Variants in PIWIL2 observed in about 807,000 individuals in gnomAD.
The protein encoded by PIWIL2 is piwi-like protein 2.
Under a neutral mutation model 116.5 loss-of-function variants are expected in PIWIL2, and 81 were observed. That is an observed-to-expected ratio of 0.70 (90% confidence interval 0.58 to 0.84). The LOEUF is 0.84. PIWIL2 is among the 40% of genes least tolerant of loss of function. The probability of loss-of-function intolerance (pLI) is 0.00; values close to 1 mark genes in which losing one functional copy is unlikely to be tolerated. For missense variants in PIWIL2, 1,272 were observed against 1,212.3 expected, an observed-to-expected ratio of 1.05 and a Z score of -0.73; for synonymous variants, 489 against 429.5, an observed-to-expected ratio of 1.14 and a Z score of -1.71.
rs763422266 is a variant in PIWIL2 at position 22,304,864 on chromosome 8, G to C, written c.1451G>C (p.Gly484Ala). 6.3e-7 allele frequency: 1 copy of C among 1,595,788 alleles called. No homozygotes were observed. Among genetic ancestry groups the C allele is most frequent in the Non-Finnish European group, 8.6e-7 (1 of 1,163,390 alleles). Reference protein sequence around the residue: ...HRPSERQDNHGMLLKGEILLL... With the variant: ...HRPSERQDNHAMLLKGEILLL... ...CCCAGTGAGAGACAGGATAATCATG[G>C]GATGGTGAGTAGGGCTGTCAGGCTT... The change falls in exon 12 of 23, where the codon GGG becomes GCG. Residue 484 changes from glycine to alanine, a missense_variant. Transcript: ENST00000356766.
At chr8:22,325,435 A>C (rs1193991600) in intron 20 of PIWIL2, among the ~76,000 whole-genome samples, 3 of 151,608 alleles carry the variant, frequency 2.0e-5, no homozygotes, top group Non-Finnish European at 4.4e-5. Context: ...GGTTTGAAGA[A>C]ATGGGACTCC....
Position 22,294,899 on chromosome 8 carries a change from GGAAAA to G in PIWIL2, c.1181+4554_1181+4558del, listed in dbSNP as rs1245851217. Among the ~76,000 whole-genome samples, 19 of 79,418 alleles carry G rather than the reference GGAAAA, an allele frequency of 2.4e-4. 1 individual carries two copies. Among genetic ancestry groups the G allele is most frequent in the East Asian group, 1.4e-3 (4 of 2,818 alleles). The allele number at this position is 79,418 out of a possible 152,430, so 52.1% of individuals were successfully genotyped here. A position where few individuals can be genotyped will look rare whatever the true frequency, so the allele number is the denominator to read the frequency against. ...AACATGGTGAAATCCCATCTTTACTGGAAAAAAAAAAAAAAAAAAAAAAAAAAAAA... is the reference window on the plus strand; with the variant it reads ...AACATGGTGAAATCCCATCTTTACTGAAAAAAAAAAAAAAAAAAAAAAAAA... On this transcript the variant is annotated intron_variant, in intron 10 of 22. Transcript: ENST00000356766.
chr8:22,351,102 G>T (rs1832342478), intron 20 of PIWIL2, among the ~76,000 whole-genome samples: 1 of 151,734 alleles, frequency 6.6e-6, no homozygotes, highest in African/African-American at 2.4e-5. Context: ...AGTAAGTCAA[G>T]ATTGCATCAC....
chr8:22,290,005 T>C lies in PIWIL2; in HGVS notation c.1067+78T>C, dbSNP rs528197617. The C allele has an allele frequency of 5.3e-4, 496 of 940,852 alleles. 10 individuals are homozygous for C. In the South Asian group the frequency reaches 6.5e-3, roughly 12 times the overall value. The allele number at this position is 940,852 out of a possible 1,614,324, so 58.3% of individuals were successfully genotyped here. A position where few individuals can be genotyped will look rare whatever the true frequency, so the allele number is the denominator to read the frequency against. On this transcript the variant is annotated intron_variant, in intron 9 of 22. Transcript: ENST00000356766. Reference sequence around the variant, plus strand: ...CCATTACAACCATTGTATTTAGTACTATAATGTCAGCAGTAGTTTATGGTA... The same window carrying C: ...CCATTACAACCATTGTATTTAGTACCATAATGTCAGCAGTAGTTTATGGTA...
Position 22,290,274 on chromosome 8 carries a change from C to CT in PIWIL2, c.1109_1110insT (p.Asp371ArgfsTer9). 6.2e-7 allele frequency: 1 copy of CT among 1,612,132 alleles called. No homozygotes were observed. On this transcript the variant is annotated frameshift_variant, in exon 10 of 23. Coordinates refer to ENST00000356766, the MANE Select transcript of PIWIL2 (RefSeq NM_018068.5). LOFTEE classifies it high-confidence loss of function. ...GGCTATGCAGCTAGCATCCGAAGGA[C>CT]AGATGGAGGGCTCTTCCTGCTAGCT... is the stretch of plus-strand genomic sequence containing the variant.
chr8:22,317,209 G>A (rs2132055308), intron 19 of PIWIL2, among the ~76,000 whole-genome samples: 2 of 152,214 alleles, frequency 1.3e-5, no homozygotes, highest in Middle Eastern at 6.8e-3. Context: ...TTTTTTGATT[G>A]TTTGTTCCAA....
intron 20 of PIWIL2, chr8:22,322,007 C>T (rs1468886038): frequency 8.1e-6 from 8 of 982,450 alleles, no homozygotes. Context: ...AAAATGCTTC[C>T]AAATACTGTT....
chr8:22,294,066 G>A (rs1041912178), intron 10 of PIWIL2, among the ~76,000 whole-genome samples: 4 of 152,080 alleles, frequency 2.6e-5, no homozygotes, highest in African/African-American at 7.2e-5. Flanking sequence ...GGCCAGATGC[G>A]GTGGCTCACC....
At chr8:22,302,521 A>T (rs1211249167) in intron 10 of PIWIL2, among the ~76,000 whole-genome samples, 1 of 151,974 alleles carries the variant, frequency 6.6e-6, no homozygotes, top group African/African-American at 2.4e-5. Flanking sequence ...ATCCATATTG[A>T]GACTAAAGAC....
intron 20 of PIWIL2, among the ~76,000 whole-genome samples, chr8:22,339,368 C>T (rs188258695): frequency 8.0e-4 from 122 of 151,874 alleles, no homozygotes; most frequent in Non-Finnish European, 1.4e-3. Flanking sequence ...ATTAGCTGGG[C>T]GTGGTGGCCC....
intron 11 of PIWIL2, among the ~76,000 whole-genome samples, 163 bp from the exon 12 acceptor site, chr8:22,304,621 C>T (rs1831131539): frequency 6.6e-6 from 1 of 152,160 alleles, no homozygotes; most frequent in South Asian, 2.1e-4. Context: ...TTTGAGCCTG[C>T]TTTTTCCTGT....
chr8:22,305,455 GTGC>G (rs1831154296), intron 12 of PIWIL2, among the ~76,000 whole-genome samples: 1 of 152,146 alleles, frequency 6.6e-6, no homozygotes, highest in Admixed American at 6.5e-5. Flanking sequence ...GCCTCCTAAA[GTGC>G]TGGGATTACA....
chr8:22,306,649 C>G (rs1831188161), intron 13 of PIWIL2, among the ~76,000 whole-genome samples: 1 of 152,180 alleles, frequency 6.6e-6, no homozygotes, highest in African/African-American at 2.4e-5. Flanking sequence ...ACTTTCCAGT[C>G]CATGTCTGTC....
In PIWIL2 at chr8:22,304,833, C is replaced by T; in HGVS notation, c.1420C>T (p.His474Tyr). 6.2e-7 allele frequency: 1 copy of T among 1,613,022 alleles called. No homozygotes were observed. Among genetic ancestry groups the T allele is most frequent in the South Asian group, 1.1e-5 (1 of 91,038 alleles). ...GGAAGAGGACCAGCCATTGCTGATT[C>T]ACAGGCCCAGTGAGAGACAGGATAA... ...VKEEDQPLLI[H>Y]RPSERQDNHG... Residue 474 changes from histidine (H) to tyrosine (Y), a missense_variant, in exon 12 of 23, where the codon CAC becomes TAC. His to Tyr is a moderately conservative substitution (Grantham distance 83, BLOSUM62 2). Coordinates refer to ENST00000356766, the MANE Select transcript of PIWIL2 (RefSeq NM_018068.5).
intron 12 of PIWIL2, 98 bp downstream of exon 12, chr8:22,304,966 C>A: frequency 1.2e-6 from 1 of 805,062 alleles, no homozygotes; most frequent in South Asian, 1.5e-5. Flanking sequence ...TGTGGAGTAG[C>A]AATCGTAGTG....
intron 20 of PIWIL2, among the ~76,000 whole-genome samples, chr8:22,351,988 A>C (rs908898641): frequency 3.3e-5 from 5 of 152,196 alleles, no homozygotes; most frequent in African/African-American, 7.2e-5. Context: ...TTTGTTGCCC[A>C]GGCTGGAGTG....
intron 18 of PIWIL2, 31 bp downstream of exon 18, chr8:22,315,176 T>C: frequency 8.4e-7 from 1 of 1,196,810 alleles, no homozygotes; most frequent in East Asian, 2.3e-5. Context: ...TCAGTTTGCC[T>C]CTCCAGAGAA....
chr8:22,295,767 A>G (rs1237002422), intron 10 of PIWIL2, among the ~76,000 whole-genome samples: 1 of 152,154 alleles, frequency 6.6e-6, no homozygotes, highest in African/African-American at 2.4e-5. Flanking sequence ...CTCGGTGTTT[A>G]AAAATGTAAC....
Position 22,355,265 on chromosome 8 carries a change from A to G in PIWIL2, c.2766-84A>G, listed in dbSNP as rs77031121. ...TTCAGGAAGGTGTGCTCTGTGTCAT[A>G]TCCCCGTGACTATTGTATTGTATTG... On this transcript the variant is annotated intron_variant, in intron 22 of 22. Coordinates refer to ENST00000356766, the MANE Select transcript of PIWIL2 (RefSeq NM_018068.5). 3,451 of 1,348,794 alleles carry G rather than the reference A, an allele frequency of 2.6e-3. 79 individuals are homozygous for G. The African/African-American group carries it at 0.044, about 17-fold the overall frequency. 83.6% of individuals were successfully genotyped at this position (1,348,794 alleles called of 1,614,324 possible). A position where few individuals can be genotyped will look rare whatever the true frequency, so the allele number is the denominator to read the frequency against.
Sources: allele counts gnomAD v4.1 joint callset (sites outside exome capture counted in the v4.1 genomes callset), GRCh38; gene constraint gnomAD v4.1.1; transcripts MANE v1.5; gene names NCBI Gene and HGNC (gene_info 2026-07-23, HGNC 2026-07-21).